The following DCC variants were observed in gnomAD, a reference collection of about 807,000 sequenced individuals.
DCC encodes netrin receptor DCC.
In DCC, 58 loss-of-function variants were observed where a neutral mutation model predicts 172.5. The ratio of observed to expected loss-of-function variants is 0.34; its 90% CI spans 0.27 to 0.42. DCC has a LOEUF of 0.42. DCC is among the 10% of genes least tolerant of loss of function. The pLI is 1.00. For synonymous variants in DCC, 709 were observed against 644.5 expected, an observed-to-expected ratio of 1.10 and a Z score of -1.52; for missense variants, 1,740 against 1,791.0, an observed-to-expected ratio of 0.97 and a Z score of 0.51.
At chr18:52,953,229 T>C (rs114502248) in intron 5 of DCC, among the ~76,000 whole-genome samples, 1,857 of 152,232 alleles carry the variant, frequency 0.012, 41 homozygotes, top group African/African-American at 0.042. Context: ...TTCAAAGTCA[T>C]TGTGAACTTT....
intron 5 of DCC, among the ~76,000 whole-genome samples, chr18:52,978,629 C>T (rs183203822): frequency 6.6e-6 from 1 of 152,166 alleles, no homozygotes; most frequent in Non-Finnish European, 1.5e-5. Flanking sequence ...GTAAATAGCA[C>T]AGTGAGAGTG....
intron 7 of DCC, among the ~76,000 whole-genome samples, chr18:53,087,922 A>G (rs76228333): frequency 0.68 from 102,524 of 151,124 alleles, 36,321 homozygotes; most frequent in African/African-American, 0.87. Flanking sequence ...TAGATATGCG[A>G]CGTTATTTCT....
intron 9 of DCC, among the ~76,000 whole-genome samples, chr18:53,189,384 C>A (rs78897573): frequency 0.027 from 4,175 of 151,838 alleles, 63 homozygotes; most frequent in Admixed American, 0.046. Flanking sequence ...TTTTCACAGG[C>A]AGCTTAAAAC....
At chr18:52,738,958 G>A (rs2036772490) in intron 1 of DCC, among the ~76,000 whole-genome samples, 1 of 150,976 alleles carries the variant, frequency 6.6e-6, no homozygotes, top group Admixed American at 6.6e-5. Context: ...ATGTTGCTCA[G>A]GCTTGTCTTA....
chr18:53,152,578 TAAAAGA>T (rs965204691), intron 7 of DCC, among the ~76,000 whole-genome samples: 1 of 92,116 alleles, frequency 1.1e-5, no homozygotes, highest in African/African-American at 4.9e-5. Context: ...AAGATGTTCT[TAAAAGA>T]AAAAAAAAGA....
chr18:53,020,836 A>G (rs1048993315), intron 5 of DCC, among the ~76,000 whole-genome samples: 6 of 152,150 alleles, frequency 3.9e-5, no homozygotes, highest in East Asian at 1.9e-4. Context: ...AATGAGGGGG[A>G]AAAATTTAGG....
chr18:52,418,858 C>CTTTTTTTTTTTTTTTTTTT (rs11313758), intron 1 of DCC, among the ~76,000 whole-genome samples: 1 of 93,020 alleles, frequency 1.1e-5, no homozygotes, highest in Non-Finnish European at 2.0e-5. Context: ...TTCTTTCTTT[C>CTTTTTTTTTTTTTTTTTTT]TTTTTTTTTT....
At chr18:53,240,295 CTTTACT>C (rs2056274914) in intron 12 of DCC, among the ~76,000 whole-genome samples, 1 of 152,102 alleles carries the variant, frequency 6.6e-6, no homozygotes, top group Admixed American at 6.6e-5. Context: ...AAGCTTCCAT[CTTTACT>C]CCTTACACTG....
intron 1 of DCC, among the ~76,000 whole-genome samples, chr18:52,401,742 A>G (rs1006519251): frequency 6.6e-6 from 1 of 152,072 alleles, no homozygotes; most frequent in Admixed American, 6.6e-5. Flanking sequence ...TACTAGGAAA[A>G]GAACAAGCTT....
At chr18:53,310,680 A>G (rs564180349) in intron 13 of DCC, among the ~76,000 whole-genome samples, 1 of 152,264 alleles carries the variant, frequency 6.6e-6, no homozygotes, top group African/African-American at 2.4e-5. Flanking sequence ...CATGGTCAAT[A>G]TATAATAAAC....
At chr18:53,117,648 A>T (rs1386799302) in intron 7 of DCC, among the ~76,000 whole-genome samples, 1 of 151,416 alleles carries the variant, frequency 6.6e-6, no homozygotes, top group Non-Finnish European at 1.5e-5. Context: ...CCGCTTTTTC[A>T]ATTAAAAAAT....
At chr18:52,634,176 C>T (rs1333192857) in intron 1 of DCC, among the ~76,000 whole-genome samples, 2 of 152,226 alleles carry the variant, frequency 1.3e-5, no homozygotes, top group Non-Finnish European at 2.9e-5. Context: ...GATGTGTCTG[C>T]CAAGGCATGA....
chr18:53,294,470 C>T (rs2057042841), intron 12 of DCC, among the ~76,000 whole-genome samples: 1 of 152,142 alleles, frequency 6.6e-6, no homozygotes, highest in Admixed American at 6.5e-5. Flanking sequence ...AATCAGAAGG[C>T]TAGTAGGTTT....
chr18:52,778,784 C>T (rs991650259), intron 2 of DCC, among the ~76,000 whole-genome samples: 4 of 152,236 alleles, frequency 2.6e-5, no homozygotes, highest in Admixed American at 2.0e-4. Flanking sequence ...TTTTATTATC[C>T]TCTAAAAGTT....
intron 27 of DCC, among the ~76,000 whole-genome samples, chr18:53,504,702 T>A (rs2046148291): frequency 6.6e-6 from 1 of 152,186 alleles, no homozygotes; most frequent in African/African-American, 2.4e-5. Flanking sequence ...GTATTTCCTC[T>A]GAGGTTTTAG....
chr18:52,340,890 T>C lies in DCC; in HGVS notation c.91+12T>C, dbSNP rs1390962078. The C allele has an allele frequency of 6.3e-7, 1 of 1,597,472 alleles. No homozygotes were observed. The highest frequency in any genetic ancestry group is 1.3e-5 in the African/African-American group (1 of 74,514). On this transcript the variant is annotated intron_variant, in intron 1 of 28. Transcript: ENST00000442544. ...TCTTCAAGTAACCGGTAAGTGGCTC[T>C]TTCCTTTCTTCTCGTCGCACCCCCT...
At chr18:53,163,094 T>A (rs1187469508) in intron 8 of DCC, among the ~76,000 whole-genome samples, 1 of 152,232 alleles carries the variant, frequency 6.6e-6, no homozygotes, top group Non-Finnish European at 1.5e-5. Flanking sequence ...CCACCTTTTA[T>A]CAAGTTTGAT....
At chr18:53,205,165 C>A in intron 9 of DCC, 51 bp from the exon 10 acceptor site, 2 of 1,473,092 alleles carry the variant, frequency 1.4e-6, no homozygotes, top group Non-Finnish European at 1.9e-6. Context: ...AGAACAAAAA[C>A]CCACTTATCC....
chr18:53,487,735 C>T (rs2045918185), intron 26 of DCC, among the ~76,000 whole-genome samples: 1 of 152,096 alleles, frequency 6.6e-6, no homozygotes, highest in Admixed American at 6.6e-5. Context: ...CGTCTAGATA[C>T]AGCAAGGTTA....
Sources: gnomAD v4.1 joint callset for allele counts (sites outside exome capture counted in the v4.1 genomes callset) on GRCh38, gnomAD v4.1.1 for gene constraint, MANE v1.5 for transcripts, NCBI Gene and HGNC (gene_info 2026-07-23, HGNC 2026-07-21) for gene names.